The following CD96 variants were observed in gnomAD, a reference collection of about 807,000 sequenced individuals.
CD96 encodes the protein CD96 molecule.
A neutral mutation model predicts 71.3 loss-of-function variants in CD96; 70 were observed. The ratio of observed to expected loss-of-function variants is 0.98; its 90% CI spans 0.81 to 1.20. The LOEUF is 1.20. CD96 is among the 50% of genes most tolerant of loss of function. The probability of loss-of-function intolerance (pLI) is 0.00; values close to 1 mark genes in which losing one functional copy is unlikely to be tolerated. For missense variants in CD96, 742 were observed against 677.5 expected (o/e 1.10, Z -1.06); for synonymous variants, 248 against 233.0 (o/e 1.06, Z -0.59).
intron 4 of CD96, 49 bp downstream of exon 4, chr3:111,579,283 C>T (rs1200292117): frequency 1.0e-6 from 1 of 993,898 alleles, no homozygotes; most frequent in Non-Finnish European, 1.6e-6. Flanking sequence ...TGTCTCCTGC[C>T]CTGCTCTTCC....
chr3:111,582,117 A>T (rs763049371), intron 4 of CD96, among the ~76,000 whole-genome samples: 5 of 152,166 alleles, frequency 3.3e-5, no homozygotes, highest in Non-Finnish European at 7.3e-5. Flanking sequence ...CCCAGTTTTT[A>T]CTACTTGTGG....
At chr3:111,637,614 T>G (rs1939392020) in intron 11 of CD96, among the ~76,000 whole-genome samples, 1 of 152,200 alleles carries the variant, frequency 6.6e-6, no homozygotes, top group South Asian at 2.1e-4. Flanking sequence ...ATTAACCTTA[T>G]CAAACACATC....
chr3:111,641,900 T>C (rs1939609467), intron 12 of CD96, among the ~76,000 whole-genome samples: 2 of 152,182 alleles, frequency 1.3e-5, no homozygotes, highest in African/African-American at 2.4e-5. Flanking sequence ...TGAATGAGCA[T>C]TGGGTCAAAA....
At chr3:111,643,084 A>C (rs182653624) in intron 12 of CD96, among the ~76,000 whole-genome samples, 2,504 of 151,330 alleles carry the variant, frequency 0.017, 44 homozygotes, top group Middle Eastern at 0.031. Context: ...AAAAAAAAAA[A>C]AAAAAACTAG....
intron 5 of CD96, chr3:111,593,317 A>T (rs1444461061): frequency 4.8e-6 from 2 of 418,986 alleles, no homozygotes; most frequent in Admixed American, 4.0e-5. Context: ...ATTTATCTTT[A>T]ATAGGTACAT....
chr3:111,578,356 A>G (rs1024300299), intron 3 of CD96, among the ~76,000 whole-genome samples: 2 of 152,264 alleles, frequency 1.3e-5, no homozygotes, highest in African/African-American at 4.8e-5. Context: ...ATTCAGATTA[A>G]CATTTTCAGG....
chr3:111,578,084 G>A (rs1020166447), intron 3 of CD96, among the ~76,000 whole-genome samples: 1 of 152,138 alleles, frequency 6.6e-6, no homozygotes, highest in Admixed American at 6.5e-5. Flanking sequence ...TGTTTTAAAA[G>A]CAGCTCAACT....
At chr3:111,625,610 C>T (rs1186295121) in intron 10 of CD96, among the ~76,000 whole-genome samples, 2 of 152,056 alleles carry the variant, frequency 1.3e-5, no homozygotes, top group African/African-American at 2.4e-5. Flanking sequence ...ATGCACATTA[C>T]ACAAAAATAA....
intron 14 of CD96, among the ~76,000 whole-genome samples, chr3:111,659,182 A>C (rs968439760): frequency 6.6e-6 from 1 of 152,200 alleles, no homozygotes; most frequent in Non-Finnish European, 1.5e-5. Flanking sequence ...ATAGTTGATC[A>C]TAGTCCCTGA....
chr3:111,604,396 T>G (rs1449124490), intron 7 of CD96, among the ~76,000 whole-genome samples: 1 of 152,210 alleles, frequency 6.6e-6, no homozygotes, highest in Non-Finnish European at 1.5e-5. Flanking sequence ...GGAAACTGTC[T>G]CTCCTTTTTA....
intron 2 of CD96, among the ~76,000 whole-genome samples, chr3:111,546,468 A>G (rs1382487538): frequency 1.3e-5 from 2 of 152,192 alleles, no homozygotes; most frequent in Non-Finnish European, 2.9e-5. Flanking sequence ...CTCCTTTCTG[A>G]ATAGAAATAA....
rs113341911 is a variant in CD96, at chr3:111,651,733, T to G, written c.*1927T>G. On this transcript the variant is annotated 3_prime_UTR_variant, in exon 14 of 14. Coordinates refer to ENST00000352690, the MANE Select transcript of CD96 (RefSeq NM_005816.5). ...CCGTCTCTACTAAAAATACAAAAAA[T>G]TAGCCGGGTGTGGTGTCGGGCACCT... 1 of 151,842 alleles carries G rather than the reference T, an allele frequency of 6.6e-6. No individual in the cohort carries two copies. The highest frequency in any genetic ancestry group is 1.5e-5 in the Non-Finnish European group (1 of 68,074). The allele number at this position is 151,842 out of a possible 1,614,324, so 9.4% of individuals were successfully genotyped here. A position where few individuals can be genotyped will look rare whatever the true frequency, so the allele number is the denominator to read the frequency against.
At chr3:111,654,375 A>G (rs567203448), downstream of CD96, among the ~76,000 whole-genome samples, 2 of 152,344 alleles carry the variant, frequency 1.3e-5, no homozygotes, top group African/African-American at 4.8e-5. Context: ...GCAGGATACT[A>G]TGACCTTAAG....
intron 7 of CD96, among the ~76,000 whole-genome samples, chr3:111,601,379 G>T (rs903386621): frequency 1.3e-5 from 2 of 152,106 alleles, no homozygotes; most frequent in Non-Finnish European, 2.9e-5. Context: ...TAAAAATAGG[G>T]ATTGTATCTT....
intron 14 of CD96, among the ~76,000 whole-genome samples, chr3:111,663,747 A>T: frequency 1.7e-5 from 2 of 117,604 alleles, no homozygotes; most frequent in Non-Finnish European, 3.5e-5. Flanking sequence ...AGAAATGCTT[A>T]TACACTTTTT....
intron 2 of CD96, among the ~76,000 whole-genome samples, chr3:111,555,487 T>C (rs1203599967): frequency 1.3e-5 from 2 of 152,272 alleles, no homozygotes; most frequent in Non-Finnish European, 2.9e-5. Context: ...GAATTCAGAG[T>C]GGATTGTTTC....
At chr3:111,623,843 C>T (rs1175136898) in intron 9 of CD96, 21 bp downstream of exon 9, 10 of 1,543,058 alleles carry the variant, frequency 6.5e-6, no homozygotes, top group Non-Finnish European at 9.0e-6. Flanking sequence ...CAAAGTTTTC[C>T]TACATGATTG....
intron 5 of CD96, among the ~76,000 whole-genome samples, chr3:111,592,594 A>G (rs922951748): frequency 2.0e-5 from 3 of 151,848 alleles, no homozygotes; most frequent in Non-Finnish European, 4.4e-5. Flanking sequence ...CCATCTTTGC[A>G]TTTCTTCTCT....
chr3:111,569,605 T>C (rs1048412551), intron 3 of CD96, among the ~76,000 whole-genome samples: 4 of 152,232 alleles, frequency 2.6e-5, no homozygotes, highest in Non-Finnish European at 5.9e-5. Flanking sequence ...TTATCTCAAA[T>C]TCATTAACAA....
Sources: allele counts gnomAD v4.1 joint callset (sites outside exome capture counted in the v4.1 genomes callset), GRCh38; gene constraint gnomAD v4.1.1; transcripts MANE v1.5; gene names NCBI Gene and HGNC (gene_info 2026-07-23, HGNC 2026-07-21).